HERC3: variants seen among roughly 807,000 people sequenced by gnomAD.
HERC3 encodes HECT and RLD domain containing E3 ubiquitin protein ligase 3.
In HERC3, 58 loss-of-function variants were observed where a neutral mutation model predicts 129.9. The ratio of observed to expected loss-of-function variants is 0.45; its 90% confidence interval spans 0.36 to 0.56. The LOEUF (loss-of-function observed/expected upper bound fraction) is 0.56. HERC3 is among the 20% of genes least tolerant of loss of function. HERC3 has a pLI of 0.00. For missense variants in HERC3, 835 were observed against 1,244.2 expected (o/e 0.67, Z 4.95); for synonymous variants, 430 against 451.0 (o/e 0.95, Z 0.59).
intron 16 of HERC3, among the ~76,000 whole-genome samples, chr4:88,673,329 G>T (rs559858110): frequency 3.9e-5 from 6 of 152,134 alleles, no homozygotes; most frequent in African/African-American, 1.4e-4. Context: ...GCAGGTGTGC[G>T]TGTAGTGCCT....
In HERC3 at chr4:88,696,684, A is replaced by G. The variant is rs148751140; in HGVS notation, c.2658-7414A>G. On this transcript the variant is annotated intron_variant, in intron 23 of 25. Coordinates refer to ENST00000402738, the MANE Select transcript of HERC3 (RefSeq NM_014606.3). Reference sequence around the variant, plus strand: ...ATTGCAATCTTCCTCAATGCCATCAATCTCCTGTGAAGTGTAAAGCTGATG... The same window carrying G: ...ATTGCAATCTTCCTCAATGCCATCAGTCTCCTGTGAAGTGTAAAGCTGATG... 576 of 153,088 alleles carry G rather than the reference A, an allele frequency of 3.8e-3. 3 individuals are homozygous for G. Among genetic ancestry groups the G allele is most frequent in the Non-Finnish European group, 3.4e-3 (230 of 68,262 alleles). The allele number at this position is 153,088 out of a possible 1,614,324, so 9.5% of individuals were successfully genotyped here.
At chr4:88,543,569 A>C in the HERC3 span, among the ~76,000 whole-genome samples, 3 of 152,198 alleles carry the variant, frequency 2.0e-5, no homozygotes, top group Non-Finnish European at 2.9e-5. Flanking sequence ...TTCTTCACAG[A>C]ATTGGAAAAA....
intron 3 of HERC3, among the ~76,000 whole-genome samples, chr4:88,646,471 G>A (rs1728702059): frequency 6.6e-6 from 1 of 152,208 alleles, no homozygotes; most frequent in South Asian, 2.1e-4. Context: ...AAACTTTAAA[G>A]TGTTGCTGTG....
At chr4:88,671,217 A>C (rs534303014) in intron 16 of HERC3, among the ~76,000 whole-genome samples, 2 of 152,164 alleles carry the variant, frequency 1.3e-5, no homozygotes, top group African/African-American at 4.8e-5. Context: ...AGAAAACAGA[A>C]TGATAATTTG....
At chr4:88,555,354 G>A in the HERC3 span, among the ~76,000 whole-genome samples, 24,465 of 151,780 alleles carry the variant, frequency 0.16, 4,027 homozygotes, top group African/African-American at 0.42. Flanking sequence ...TTTAGAGTGT[G>A]GAATCAAAAA....
intron 3 of HERC3, among the ~76,000 whole-genome samples, chr4:88,635,043 G>A (rs1252877007): frequency 6.6e-6 from 1 of 152,126 alleles, no homozygotes; most frequent in Non-Finnish European, 1.5e-5. Flanking sequence ...TCATGAGGAT[G>A]AGAAAGAATC....
chr4:88,659,072 G>A lies in HERC3; in HGVS notation c.1146+581G>A, dbSNP rs928684168. ...GATCCAGGTTTCTGTGACAGGGCTC[G>A]AATTCCTTCCACTCTTCCTTGCTGG... is the stretch of plus-strand genomic sequence containing the variant. On this transcript the variant is annotated intron_variant, in intron 10 of 25. Coordinates refer to ENST00000402738, the MANE Select transcript of HERC3 (RefSeq NM_014606.3). Among the ~76,000 whole-genome samples, 13 of 151,980 alleles carry A rather than the reference G, an allele frequency of 8.6e-5. 1 individual carries two copies. The East Asian group carries it at 2.3e-3, about 27-fold the overall frequency.
At chr4:88,693,437 T>TAA in intron 23 of HERC3, 1 of 952,012 alleles carries the variant, frequency 1.1e-6, no homozygotes, top group Non-Finnish European at 1.2e-6. Flanking sequence ...GTGTATTCTT[T>TAA]AAAAAAAAAG....
At chr4:88,625,711 G>A (rs1253340517) in intron 3 of HERC3, among the ~76,000 whole-genome samples, 1 of 152,140 alleles carries the variant, frequency 6.6e-6, no homozygotes, top group Non-Finnish European at 1.5e-5. Context: ...TGGCAAAAGT[G>A]TACATCCTCA....
chr4:88,644,536 T>C (rs1042935985), intron 3 of HERC3, among the ~76,000 whole-genome samples: 2 of 152,198 alleles, frequency 1.3e-5, no homozygotes, highest in African/African-American at 4.8e-5. Context: ...TCCATTTACA[T>C]GACAGCATAA....
intron 3 of HERC3, among the ~76,000 whole-genome samples, chr4:88,641,990 G>A (rs890574496): frequency 6.6e-4 from 100 of 151,894 alleles, no homozygotes; most frequent in African/African-American, 2.3e-3. Flanking sequence ...ATTAACTTGG[G>A]CATGCTGGTG....
intron 3 of HERC3, among the ~76,000 whole-genome samples, chr4:88,648,311 G>C (rs1001371322): frequency 6.6e-6 from 1 of 152,144 alleles, no homozygotes; most frequent in South Asian, 2.1e-4. Context: ...AAGATTCCTG[G>C]TTCCTAAATC....
Position 88,707,077 on chromosome 4 carries a change from T to C in HERC3, c.*117T>C. 1.3e-6 allele frequency: 1 copy of C among 780,268 alleles called. No individual in the cohort carries two copies. The highest frequency in any genetic ancestry group is 2.1e-6 in the Non-Finnish European group (1 of 475,976). 48.3% of individuals were successfully genotyped at this position (780,268 alleles called of 1,614,324 possible). On this transcript the variant is annotated 3_prime_UTR_variant, in exon 26 of 26. Transcript: ENST00000402738. Reference sequence around the variant, plus strand: ...TATTGTCTAAGTGGGTTGGGACTTTTAAATACTGAGCCTGGTTGATGTGTT... The same window carrying C: ...TATTGTCTAAGTGGGTTGGGACTTTCAAATACTGAGCCTGGTTGATGTGTT...
At chr4:88,631,521 G>A (rs1442228420) in intron 3 of HERC3, among the ~76,000 whole-genome samples, 1 of 152,124 alleles carries the variant, frequency 6.6e-6, no homozygotes, top group Non-Finnish European at 1.5e-5. Flanking sequence ...TGATTCTTTG[G>A]TTGAAAAGAT....
chr4:88,658,702 T>C (rs1431632020), intron 10 of HERC3, among the ~76,000 whole-genome samples: 1 of 152,228 alleles, frequency 6.6e-6, no homozygotes, highest in Non-Finnish European at 1.5e-5. Flanking sequence ...TATGGAGTTC[T>C]AATTTATAAT....
At chr4:88,653,189 C>T in intron 6 of HERC3, 99 bp downstream of exon 6, 1 of 1,166,972 alleles carries the variant, frequency 8.6e-7, no homozygotes, top group Non-Finnish European at 1.2e-6. Context: ...ATGTGAGATA[C>T]TAAGGGAGAA....
At chr4:88,684,412 A>G (rs1278400024) in intron 21 of HERC3, among the ~76,000 whole-genome samples, 3 of 152,250 alleles carry the variant, frequency 2.0e-5, no homozygotes, top group Non-Finnish European at 4.4e-5. Flanking sequence ...CTGGCTAGGC[A>G]TATGCAGAAA....
At chr4:88,611,817 C>T (rs1312356134) in intron 3 of HERC3, among the ~76,000 whole-genome samples, 2 of 152,194 alleles carry the variant, frequency 1.3e-5, no homozygotes, top group Non-Finnish European at 2.9e-5. Flanking sequence ...AGGGTGTCCA[C>T]CAGCATGGGT....
intron 2 of HERC3, among the ~76,000 whole-genome samples, chr4:88,602,023 T>C (rs1275263202): frequency 5.1e-5 from 4 of 79,182 alleles, no homozygotes; most frequent in Admixed American, 1.3e-4. Flanking sequence ...GCCACTGCAC[T>C]CCAGCCTGGG....
Sources: gnomAD v4.1 joint callset for allele counts (sites outside exome capture counted in the v4.1 genomes callset) on GRCh38, gnomAD v4.1.1 for gene constraint, MANE v1.5 for transcripts, NCBI Gene and HGNC (gene_info 2026-07-23, HGNC 2026-07-21) for gene names.